Variants in TP73 observed in about 807,000 individuals in gnomAD.
TP73 encodes the protein p53-like transcription factor.
In TP73, 25 loss-of-function variants were observed where a neutral mutation model predicts 62.5. That is an observed-to-expected ratio of 0.40 (90% CI 0.29 to 0.56). The LOEUF (loss-of-function observed/expected upper bound fraction) is 0.56, where lower values mean the gene tolerates loss of function less well. Ranked by LOEUF, TP73 falls within the 20% of genes least tolerant of loss-of-function variation. TP73 has a pLI of 0.46. For missense variants in TP73, 754 were observed against 913.3 expected (o/e 0.83, Z 2.25); for synonymous variants, 423 against 377.5 (o/e 1.12, Z -1.40).
rs1019075698 is a variant in TP73 at position 3,696,478 on chromosome 1, C to A, written c.187-11071C>A. Among the ~76,000 whole-genome samples the A allele has an allele frequency of 6.6e-6, 1 of 151,772 alleles. No homozygotes were observed. The highest frequency in any genetic ancestry group is 1.5e-5 in the Non-Finnish European group (1 of 67,994). On this transcript the variant is annotated intron_variant, in intron 3 of 13. Coordinates refer to ENST00000378295, the MANE Select transcript of TP73 (RefSeq NM_005427.4). This position sits in a 1 kb window ranked among gnomAD's most constrained non-coding sequence, Gnocchi z 4.1. ...ACTTACAGTCAGGGCTCTGGGGGAT[C>A]TGCACGGAGGCAGGGAGAGACAGCG...
intron 3 of TP73, among the ~76,000 whole-genome samples, chr1:3,704,809 C>T (rs1376413327): frequency 6.6e-6 from 1 of 152,220 alleles, no homozygotes; most frequent in Non-Finnish European, 1.5e-5. Flanking sequence ...GTCACCCCCA[C>T]CATCACCCAA....
At chr1:3,728,512 G>A (rs1254950598) in intron 9 of TP73, among the ~76,000 whole-genome samples, 4 of 152,250 alleles carry the variant, frequency 2.6e-5, no homozygotes, top group African/African-American at 9.6e-5. Flanking sequence ...TGCCACCAGG[G>A]TAGAAGTTCA....
intron 7 of TP73, 147 bp downstream of exon 7, chr1:3,727,371 C>CT (rs1641736586): frequency 6.1e-6 from 6 of 981,212 alleles, no homozygotes; most frequent in Admixed American, 2.6e-5. Context: ...GAACCGCCCC[C>CT]TGGCCTGCAG....
intron 13 of TP73, 23 bp downstream of exon 13, chr1:3,731,579 T>C (rs1404692033): frequency 1.2e-6 from 2 of 1,609,280 alleles, no homozygotes; most frequent in East Asian, 2.2e-5. Flanking sequence ...TGGACCCCGC[T>C]CTGCAGAGGC....
intron 3 of TP73, among the ~76,000 whole-genome samples, chr1:3,685,726 C>T (rs1188629841): frequency 1.3e-5 from 2 of 152,224 alleles, no homozygotes; most frequent in Admixed American, 1.3e-4. Context: ...CCAGGGGTCC[C>T]AGAGTGGGGC....
intron 3 of TP73, among the ~76,000 whole-genome samples, chr1:3,700,784 A>G (rs1448744091): frequency 6.6e-6 from 1 of 152,208 alleles, no homozygotes; most frequent in Non-Finnish European, 1.5e-5. Flanking sequence ...TCGTCTCAAA[A>G]AAAAAAAAAG....
chr1:3,667,910 A>G (rs1055583469), intron 1 of TP73, among the ~76,000 whole-genome samples: 3 of 152,174 alleles, frequency 2.0e-5, no homozygotes, highest in Non-Finnish European at 4.4e-5. Flanking sequence ...GTGTGCAAAA[A>G]TTCTCCTTGA....
intron 3 of TP73, among the ~76,000 whole-genome samples, chr1:3,691,712 G>A (rs965871982): frequency 5.3e-5 from 8 of 152,324 alleles, no homozygotes; most frequent in African/African-American, 1.9e-4. Context: ...TGCTCCACGT[G>A]GGGCCGTTCC....
At chr1:3,728,294 G>C (rs2236365) in intron 9 of TP73, 77 bp downstream of exon 9, 123,628 of 1,482,834 alleles carry the variant, frequency 0.083, 9,760 homozygotes, top group African/African-American at 0.4. Context: ...CTGGGCCATG[G>C]GGAGGGACTC....
Position 3,728,186 on chromosome 1 carries a change from G to A in TP73, c.1043G>A (p.Arg348Gln), listed in dbSNP as rs753631424. Residue 348 changes from arginine to glutamine, a missense_variant, in exon 9 of 14, where the codon CGG becomes CAG. Arg to Gln is a conservative substitution (Grantham distance 43). Around this residue, in one of 3 missense-constraint regions of TP73, gnomAD observed 458 missense variants for 528.7 expected, o/e 0.87. Transcript: ENST00000378295. The stretch of plus-strand genomic sequence containing the variant: ...CTTGGTGCCGGTGTGAAGAAGCGGC[G>A]GCATGGAGACGAGGACACGTACTAC... ...PALGAGVKKR[R>Q]HGDEDTYYLQ... 1.7e-5 allele frequency: 27 copies of A among 1,611,882 alleles called. No individual in the cohort carries two copies. The Admixed American group carries it at 1.8e-4, about 11-fold the overall frequency.
intron 3 of TP73, among the ~76,000 whole-genome samples, chr1:3,684,802 GTGTC>G (rs962372928): frequency 2.0e-5 from 3 of 148,102 alleles, no homozygotes; most frequent in Non-Finnish European, 3.0e-5. Context: ...ACACTCGACA[GTGTC>G]TGCGCGTGTT....
intron 4 of TP73, among the ~76,000 whole-genome samples, chr1:3,715,049 C>T (rs892204901): frequency 4.6e-5 from 7 of 152,194 alleles, no homozygotes; most frequent in Non-Finnish European, 8.8e-5. Flanking sequence ...CACACAGCAT[C>T]TCGGCAGCAA....
At chr1:3,661,808 T>C (rs1474603108) in intron 1 of TP73, among the ~76,000 whole-genome samples, 6 of 147,274 alleles carry the variant, frequency 4.1e-5, no homozygotes, top group Non-Finnish European at 6.0e-5. Flanking sequence ...CTATATATAA[T>C]ATATGTATTA....
chr1:3,705,575 C>T (rs899247962), intron 3 of TP73, among the ~76,000 whole-genome samples: 5 of 152,256 alleles, frequency 3.3e-5, no homozygotes, highest in East Asian at 1.9e-4. Context: ...TCGCCCCTGA[C>T]GGCTCAGGCC....
intron 3 of TP73, among the ~76,000 whole-genome samples, chr1:3,704,932 C>A (rs533713535): frequency 6.6e-6 from 1 of 152,218 alleles, no homozygotes; most frequent in South Asian, 2.1e-4. Flanking sequence ...GCAGGAGTAG[C>A]CTTTCTACAT....
chr1:3,733,208 G>GGCCC lies in TP73; in HGVS notation c.*130_*133dup. ...CTGTGCCCGGGGAAAGGCAAGGTCC[G>GGCCC]GCCCATCCCCAGGCACCTCACAGGC... On this transcript the variant is annotated 3_prime_UTR_variant, in exon 14 of 14. Transcript: ENST00000378295. The GGCCC allele has an allele frequency of 8.6e-7, 1 of 1,156,300 alleles. No individual in the cohort carries two copies. The highest frequency in any genetic ancestry group is 1.6e-5 in the African/African-American group (1 of 64,256). 71.6% of individuals were successfully genotyped at this position (1,156,300 alleles called of 1,614,324 possible). A position where few individuals can be genotyped will look rare whatever the true frequency, so the allele number is the denominator to read the frequency against.
chr1:3,679,227 T>C (rs891281459), intron 1 of TP73, among the ~76,000 whole-genome samples: 1 of 152,162 alleles, frequency 6.6e-6, no homozygotes, highest in Non-Finnish European at 1.5e-5. Flanking sequence ...GTTCACAGGA[T>C]GCCGACTTGA....
intron 3 of TP73, among the ~76,000 whole-genome samples, chr1:3,691,485 G>A (rs1048695250): frequency 1.1e-4 from 16 of 152,110 alleles, no homozygotes; most frequent in African/African-American, 3.9e-4. Context: ...GAGCTCCAGG[G>A]CCAGGACCTG....
chr1:3,720,206 G>A (rs1359745889), intron 4 of TP73, among the ~76,000 whole-genome samples: 3 of 152,212 alleles, frequency 2.0e-5, no homozygotes, highest in African/African-American at 2.4e-5. Context: ...GTGAGCCACC[G>A]CCCTCAGCCC....
Sources: gnomAD v4.1 joint callset for allele counts (sites outside exome capture counted in the v4.1 genomes callset) on GRCh38, gnomAD v4.1.1 for gene constraint, gnomAD v4.1.1 regional missense constraint, Gnocchi (gnomAD v3.1) non-coding constraint, MANE v1.5 for transcripts, NCBI Gene and HGNC (gene_info 2026-07-23, HGNC 2026-07-21) for gene names.